The following DUSP16 variants were observed in gnomAD, a reference collection of about 807,000 sequenced individuals.
DUSP16 encodes dual specificity phosphatase 16.
DUSP16 carries 21 observed loss-of-function variants against 58.3 expected under a neutral mutation model. The observed-to-expected ratio is 0.36, with a 90% CI of 0.26 to 0.52. The LOEUF is 0.52. Ranked by LOEUF, DUSP16 falls within the 20% of genes least tolerant of loss-of-function variation. The pLI is 0.94. For missense variants in DUSP16, 726 were observed against 819.0 expected (o/e 0.89, Z 1.39); for synonymous variants, 320 against 323.8 (o/e 0.99, Z 0.12).
chr12:12,553,534 C>T (rs1405167189), intron 1 of DUSP16, among the ~76,000 whole-genome samples: 1 of 152,186 alleles, frequency 6.6e-6, no homozygotes, highest in East Asian at 1.9e-4. Flanking sequence ...TTAAACACTT[C>T]TTATGATGTT....
chr12:12,532,404 G>C (rs151034546), intron 1 of DUSP16, among the ~76,000 whole-genome samples: 166 of 152,246 alleles, frequency 1.1e-3, no homozygotes, highest in African/African-American at 3.8e-3. Flanking sequence ...TCAAGTCTCA[G>C]AACAGCTAGG....
At chr12:12,481,776 A>C (rs1053033598) in intron 5 of DUSP16, among the ~76,000 whole-genome samples, 4 of 151,966 alleles carry the variant, frequency 2.6e-5, no homozygotes, top group African/African-American at 9.7e-5. Flanking sequence ...AGAACATATA[A>C]ACTCGTGTAC....
rs573001948 is a variant in DUSP16 at position 12,475,401 on chromosome 12, T to C, written c.*1432A>G. 20 of 152,298 alleles carry C rather than the reference T, an allele frequency of 1.3e-4. No homozygotes were observed. The highest frequency in any genetic ancestry group is 4.8e-4 in the African/African-American group (20 of 41,568). The allele number at this position is 152,298 out of a possible 1,614,324, so 9.4% of individuals were successfully genotyped here. On this transcript the variant is annotated 3_prime_UTR_variant, in exon 7 of 7. Transcript: ENST00000298573. ...ACCGATTCCATACAGTGATTGTAGG[T>C]TGAGGACTGAGGACGCCCCTTTGCT...
chr12:12,501,648 C>T (rs1943912330), intron 3 of DUSP16, among the ~76,000 whole-genome samples: 1 of 151,866 alleles, frequency 6.6e-6, no homozygotes, highest in Non-Finnish European at 1.5e-5. Context: ...TCACTAAGTC[C>T]GAATCAAGGA....
chr12:12,477,740 G>C lies in DUSP16; in HGVS notation c.1091C>G (p.Pro364Arg), dbSNP rs1450337365. 3 of 1,429,636 alleles carry C rather than the reference G, an allele frequency of 2.1e-6. No homozygotes were observed. Among genetic ancestry groups the C allele is most frequent in the Non-Finnish European group, 1.8e-6 (2 of 1,110,530 alleles). 88.6% of individuals were successfully genotyped at this position (1,429,636 alleles called of 1,614,324 possible). A position where few individuals can be genotyped will look rare whatever the true frequency, so the allele number is the denominator to read the frequency against. Residue 364 changes from proline to arginine, a missense_variant, in exon 7 of 7, where the codon CCC (proline) becomes CGC (arginine). Pro to Arg is a moderately radical substitution (Grantham distance 103). Coordinates refer to ENST00000298573, the MANE Select transcript of DUSP16 (RefSeq NM_030640.3). The surrounding 1 kb of genome is among the most constrained non-coding windows in gnomAD (Gnocchi z 4.1). ...PVHPASVPSV[P>R]SVQPSLLEDS... ...CTCTAACAGCGACGGCTGCACGCTG[G>C]GCACGCTGGGCACGCTGGCGGGATG...
rs549105564 is a variant in DUSP16, at chr12:12,473,844, A to C, written c.*2989T>G. On this transcript the variant is annotated 3_prime_UTR_variant, in exon 7 of 7. Coordinates refer to ENST00000298573, the MANE Select transcript of DUSP16 (RefSeq NM_030640.3). The stretch of plus-strand genomic sequence containing the variant: ...TGCCCTTCCTGTTTTTCCTGTAGGA[A>C]TCGTAACATCATTTACATGTTATAT... Among the ~76,000 whole-genome samples, 1 of 152,320 alleles carries C rather than the reference A, an allele frequency of 6.6e-6. No individual in the cohort carries two copies. The highest frequency in any genetic ancestry group is 1.9e-4 in the East Asian group (1 of 5,190).
At chr12:12,504,590 T>G (rs1943958516) in intron 3 of DUSP16, among the ~76,000 whole-genome samples, 1 of 151,704 alleles carries the variant, frequency 6.6e-6, no homozygotes, top group Non-Finnish European at 1.5e-5. Flanking sequence ...AAGAACTGTC[T>G]TCATATATTT....
chr12:12,489,576 T>A (rs1358898430), intron 4 of DUSP16, among the ~76,000 whole-genome samples: 2 of 152,316 alleles, frequency 1.3e-5, no homozygotes, highest in East Asian at 1.9e-4. Context: ...ATTAGTAATA[T>A]CCCTATCCAC....
intron 1 of DUSP16, among the ~76,000 whole-genome samples, chr12:12,553,084 TG>T (rs1472205372): frequency 6.6e-6 from 1 of 152,156 alleles, no homozygotes. Flanking sequence ...CCTGGCCTAA[TG>T]TTTGTTATTT....
rs928232428 is a variant in DUSP16, at chr12:12,474,083, A to T, written c.*2750T>A. 2.0e-5 allele frequency: 3 copies of T among 152,242 alleles called. No homozygotes were observed. The highest frequency in any genetic ancestry group is 7.2e-5 in the African/African-American group (3 of 41,456). 9.4% of individuals were successfully genotyped at this position (152,242 alleles called of 1,614,324 possible). A position where few individuals can be genotyped will look rare whatever the true frequency, so the allele number is the denominator to read the frequency against. On this transcript the variant is annotated 3_prime_UTR_variant, in exon 7 of 7. Transcript: ENST00000298573. ...AATGACAGAACACGGAATAAACCTGATGACACCACCACTTTATTTTGAGCT... is the reference window on the plus strand; with the variant it reads ...AATGACAGAACACGGAATAAACCTGTTGACACCACCACTTTATTTTGAGCT...
rs145309257 is a variant in DUSP16, at chr12:12,497,210, T to A, written c.531+3309A>T. Among the ~76,000 whole-genome samples, 4 of 152,358 alleles carry A rather than the reference T, an allele frequency of 2.6e-5. No homozygotes were observed. The East Asian group carries it at 7.7e-4, about 29-fold the overall frequency. On this transcript the variant is annotated intron_variant, in intron 4 of 6. Transcript: ENST00000298573. The stretch of plus-strand genomic sequence containing the variant: ...TAAACATTAAAATTAGTTTTGCCCA[T>A]TTCTTTACTTTTAAAGGCCACTGGA...
chr12:12,483,151 A>G (rs1010426756), intron 5 of DUSP16, among the ~76,000 whole-genome samples: 1 of 152,206 alleles, frequency 6.6e-6, no homozygotes, highest in Admixed American at 6.5e-5. Flanking sequence ...AAGAAAGGGG[A>G]GAGAGAACTG....
intron 1 of DUSP16, among the ~76,000 whole-genome samples, chr12:12,537,687 G>C (rs1944488518): frequency 6.6e-6 from 1 of 152,118 alleles, no homozygotes; most frequent in Admixed American, 6.5e-5. Flanking sequence ...TTCTCTACTG[G>C]ACAGATTATG....
At position 12,477,919 on chromosome 12, in the gene DUSP16, T is replaced by G. The variant is rs1424234635; in HGVS notation, c.912A>C (p.Ala304=). 1 of 1,614,214 alleles carries G rather than the reference T, an allele frequency of 6.2e-7. No individual in the cohort carries two copies. The highest frequency in any genetic ancestry group is 2.2e-5 in the East Asian group (1 of 44,886). The change falls in exon 7 of 7, where the codon GCA becomes GCC. Residue 304 remains alanine, a synonymous_variant. Coordinates refer to ENST00000298573, the MANE Select transcript of DUSP16 (RefSeq NM_030640.3). This position sits in a 1 kb window ranked among gnomAD's most constrained non-coding sequence, Gnocchi z 4.1. Reference sequence around the variant, plus strand: ...GCTTGAGTTTGCTCTTTGGCCCTGATGCTCCAGTCTGGTTCTTAATCTTCT... The same window carrying G: ...GCTTGAGTTTGCTCTTTGGCCCTGAGGCTCCAGTCTGGTTCTTAATCTTCT... The part of the protein sequence containing the change: ...YEKKIKNQTG[A]SGPKSKLKLL...
intron 1 of DUSP16, among the ~76,000 whole-genome samples, chr12:12,525,163 G>C (rs1260730009): frequency 6.6e-6 from 1 of 151,852 alleles, no homozygotes; most frequent in Non-Finnish European, 1.5e-5. Flanking sequence ...TTCACTTACA[G>C]TACTTGAATC....
At chr12:12,556,222 T>A (rs1340645322) in intron 1 of DUSP16, among the ~76,000 whole-genome samples, 1 of 152,108 alleles carries the variant, frequency 6.6e-6, no homozygotes, top group Non-Finnish European at 1.5e-5. Context: ...TAGACACACT[T>A]AATATCAACA....
chr12:12,535,290 A>G (rs1418431224), intron 1 of DUSP16, among the ~76,000 whole-genome samples: 1 of 152,236 alleles, frequency 6.6e-6, no homozygotes, highest in East Asian at 1.9e-4. Context: ...TAGCAAAACA[A>G]ATAGTAATGG....
chr12:12,550,048 G>C (rs1006970469), intron 1 of DUSP16, among the ~76,000 whole-genome samples: 1 of 152,150 alleles, frequency 6.6e-6, no homozygotes, highest in African/African-American at 2.4e-5. Flanking sequence ...TGAGGCAGGT[G>C]GATCACCTGA....
Position 12,519,914 on chromosome 12 carries a change from A to T in DUSP16, c.315T>A (p.Thr105=). The change falls in exon 3 of 7, where the codon ACT becomes ACA. Residue 105 remains threonine (T), a synonymous_variant. Transcript: ENST00000298573. ...TCTTCTCCAGTTTACCCAGAAGTAC[A>T]GTGAGAAAACAGTCTGAAGAGAGAG... The part of the protein sequence containing the change: ...VASLSSDCFL[T]VLLGKLEKSF... The T allele has an allele frequency of 6.2e-7, 1 of 1,614,146 alleles. No individual in the cohort carries two copies. Among genetic ancestry groups the T allele is most frequent in the Non-Finnish European group, 8.5e-7 (1 of 1,179,970 alleles).
Sources: gnomAD v4.1 joint callset for allele counts (sites outside exome capture counted in the v4.1 genomes callset) on GRCh38, gnomAD v4.1.1 for gene constraint, Gnocchi (gnomAD v3.1) non-coding constraint, MANE v1.5 for transcripts, NCBI Gene and HGNC (gene_info 2026-07-23, HGNC 2026-07-21) for gene names.